DENND1A: variants seen among roughly 807,000 people sequenced by gnomAD.
DENND1A encodes DENN domain containing 1A.
A neutral mutation model predicts 113.7 loss-of-function variants in DENND1A; 51 were observed. That is an observed-to-expected ratio of 0.45 (90% CI 0.36 to 0.57). The LOEUF is 0.57. DENND1A is among the 20% of genes least tolerant of loss of function. DENND1A has a pLI of 0.00. For synonymous variants in DENND1A, 565 were observed against 570.8 expected (o/e 0.99, Z 0.14); for missense variants, 1,258 against 1,395.9 (o/e 0.90, Z 1.57).
intron 2 of DENND1A, among the ~76,000 whole-genome samples, chr9:123,803,984 A>G (rs920954101): frequency 1.3e-5 from 2 of 152,194 alleles, no homozygotes; most frequent in African/African-American, 4.8e-5. Context: ...TACAAGCACA[A>G]TTTCACACCC....
chr9:123,579,564 G>A (rs988679298), intron 12 of DENND1A, among the ~76,000 whole-genome samples: 4 of 152,182 alleles, frequency 2.6e-5, no homozygotes, highest in African/African-American at 4.8e-5. Flanking sequence ...TGGTAATAAT[G>A]CAGGGGGAAA....
At chr9:123,713,191 A>G (rs2066747190) in intron 5 of DENND1A, among the ~76,000 whole-genome samples, 1 of 152,226 alleles carries the variant, frequency 6.6e-6, no homozygotes, top group Admixed American at 6.5e-5. Flanking sequence ...TCTCTTGGAC[A>G]TGACAAAAAC....
At chr9:123,539,999 A>G (rs1275089000) in intron 13 of DENND1A, among the ~76,000 whole-genome samples, 1 of 152,190 alleles carries the variant, frequency 6.6e-6, no homozygotes, top group Non-Finnish European at 1.5e-5. Context: ...TGGGAAATAC[A>G]CTATAAAGAT....
intron 18 of DENND1A, among the ~76,000 whole-genome samples, chr9:123,444,176 A>G (rs1454353646): frequency 6.6e-6 from 1 of 152,202 alleles, no homozygotes; most frequent in Admixed American, 6.5e-5. Flanking sequence ...GAAAAACCTA[A>G]AAGATGTATA....
At chr9:123,451,067 G>C (rs1309518029) in intron 17 of DENND1A, among the ~76,000 whole-genome samples, 1 of 152,086 alleles carries the variant, frequency 6.6e-6, no homozygotes, top group Non-Finnish European at 1.5e-5. Flanking sequence ...ACCAGTAAGA[G>C]TACGGCAGCC....
At chr9:123,576,483 T>C (rs150475313) in intron 12 of DENND1A, among the ~76,000 whole-genome samples, 352 of 152,302 alleles carry the variant, frequency 2.3e-3, no homozygotes, top group African/African-American at 8.3e-3. Context: ...ATTTTGTATC[T>C]GTTTTAAAAA....
At chr9:123,403,563 T>G (rs141024935) in intron 20 of DENND1A, 73 bp from the exon 21 acceptor site, 3 of 1,396,154 alleles carry the variant, frequency 2.1e-6, no homozygotes, top group Middle Eastern at 1.8e-4. Flanking sequence ...TTCTGAACAT[T>G]TGGATAAACG....
chr9:123,869,561 T>G (rs916127881), intron 2 of DENND1A, among the ~76,000 whole-genome samples: 3 of 152,162 alleles, frequency 2.0e-5, no homozygotes, highest in African/African-American at 7.2e-5. Flanking sequence ...AAAAGCACAG[T>G]TAGATGAATT....
intron 2 of DENND1A, among the ~76,000 whole-genome samples, chr9:123,851,862 G>A (rs1242584228): frequency 1.3e-5 from 2 of 152,166 alleles, no homozygotes; most frequent in Non-Finnish European, 2.9e-5. Flanking sequence ...GAAGCAGGCT[G>A]AGAAACCACT....
chr9:123,828,424 T>C (rs1037082007), intron 2 of DENND1A, among the ~76,000 whole-genome samples: 1 of 151,968 alleles, frequency 6.6e-6, no homozygotes, highest in Non-Finnish European at 1.5e-5. Context: ...TTGTATGTCA[T>C]TGGGAGTCCC....
intron 3 of DENND1A, among the ~76,000 whole-genome samples, chr9:123,780,006 C>T (rs781618808): frequency 8.6e-5 from 13 of 150,840 alleles, no homozygotes; most frequent in Middle Eastern, 3.4e-3. Flanking sequence ...GGCGCCCCCC[C>T]ACCACGCCAG....
intron 18 of DENND1A, among the ~76,000 whole-genome samples, chr9:123,447,797 A>AG (rs2047414373): frequency 1.3e-5 from 2 of 152,020 alleles, no homozygotes; most frequent in African/African-American, 4.8e-5. Context: ...GGACAAAAAA[A>AG]AAAAAACCAA....
rs564052043 is a variant in DENND1A, at chr9:123,546,270, C to T, written c.993+11300G>A. The stretch of plus-strand genomic sequence containing the variant: ...ATACGTTTTAAAACTAAGTATTGGC[C>T]GGGCGAGGTGGCTCACGCCTGTAAT... On this transcript the variant is annotated intron_variant, in intron 13 of 23. Transcript: ENST00000394215. Among the ~76,000 whole-genome samples, 24 of 152,084 alleles carry T rather than the reference C, an allele frequency of 1.6e-4. No individual in the cohort carries two copies. The East Asian group carries it at 2.1e-3, about 13-fold the overall frequency.
At chr9:123,538,791 C>G (rs2056014342) in intron 13 of DENND1A, among the ~76,000 whole-genome samples, 1 of 75,742 alleles carries the variant, frequency 1.3e-5, no homozygotes, top group African/African-American at 5.3e-5. Context: ...TGTATGAATC[C>G]AAAGGTGACA....
chr9:123,740,884 C>T (rs531268597), intron 5 of DENND1A, among the ~76,000 whole-genome samples: 1 of 111,292 alleles, frequency 9.0e-6, no homozygotes, highest in African/African-American at 3.7e-5. Context: ...AAGAAAGATG[C>T]TGAGGAAGGG....
At chr9:123,890,845 TC>T (rs946040958) in intron 1 of DENND1A, among the ~76,000 whole-genome samples, 1 of 152,204 alleles carries the variant, frequency 6.6e-6, no homozygotes, top group Admixed American at 6.5e-5. Context: ...TATAATTGTA[TC>T]CTCACAATTA....
chr9:123,501,148 T>C (rs1225313274), intron 13 of DENND1A, among the ~76,000 whole-genome samples: 1 of 152,256 alleles, frequency 6.6e-6, no homozygotes, highest in Non-Finnish European at 1.5e-5. Context: ...ACTGTCTGTC[T>C]CTATGATTTT....
chr9:123,742,424 C>T (rs2069107645), intron 5 of DENND1A, among the ~76,000 whole-genome samples: 1 of 152,224 alleles, frequency 6.6e-6, no homozygotes, highest in African/African-American at 2.4e-5. Flanking sequence ...CTGTTCTAAA[C>T]ACAAGCTGTA....
At chr9:123,844,959 C>T (rs2133041332) in intron 2 of DENND1A, among the ~76,000 whole-genome samples, 1 of 152,334 alleles carries the variant, frequency 6.6e-6, no homozygotes. Flanking sequence ...TGGCTTATGC[C>T]TGTAATCCCA....
Sources: gnomAD v4.1 joint callset for allele counts (sites outside exome capture counted in the v4.1 genomes callset) on GRCh38, gnomAD v4.1.1 for gene constraint, MANE v1.5 for transcripts, NCBI Gene and HGNC (gene_info 2026-07-23, HGNC 2026-07-21) for gene names.